GRM4: variants seen among roughly 807,000 people sequenced by gnomAD.
The protein encoded by GRM4 is glutamate metabotropic receptor 4, also known as metabotropic glutamate receptor 4.
In GRM4, 28 loss-of-function variants were observed where a neutral mutation model predicts 81.7. That is an observed-to-expected ratio of 0.34 (90% CI 0.25 to 0.47). GRM4 has a LOEUF of 0.47. Ranked by LOEUF, GRM4 falls within the 20% of genes least tolerant of loss-of-function variation. The pLI, the probability that GRM4 is intolerant of heterozygous loss-of-function variation, is 1.00. For missense variants in GRM4, 948 were observed against 1,290.0 expected, an observed-to-expected ratio of 0.73 and a Z score of 4.06; for synonymous variants, 488 against 528.8, an observed-to-expected ratio of 0.92 and a Z score of 1.06.
rs762364409 is a variant in GRM4 at position 34,132,999 on chromosome 6, G to A, written c.498C>T (p.Ala166=). The A allele has an allele frequency of 1.2e-6, 2 of 1,607,702 alleles. No homozygotes were observed. The highest frequency in any genetic ancestry group is 1.7e-5 in the Admixed American group (1 of 59,618). The stretch of plus-strand genomic sequence containing the variant: ...TGACCTTGAAGAGGCGAAGGATGTT[G>A]GCCACCATGATGGAGACCGAGCTCC... ...ASGSSVSIMV[A]NILRLFKIPQ... The change falls in exon 2 of 11, where the codon GCC becomes GCT. Residue 166 remains alanine, a synonymous_variant. Coordinates refer to ENST00000538487, the MANE Select transcript of GRM4 (RefSeq NM_000841.4).
upstream of GRM4, among the ~76,000 whole-genome samples, chr6:34,148,049 C>A (rs1770975127): frequency 7.4e-6 from 1 of 134,318 alleles, no homozygotes; most frequent in African/African-American, 2.7e-5. Flanking sequence ...ATTATCCCAC[C>A]CCCCGCCCCC....
At chr6:34,127,882 C>T (rs1304023099) in intron 2 of GRM4, among the ~76,000 whole-genome samples, 1 of 152,198 alleles carries the variant, frequency 6.6e-6, no homozygotes, top group Non-Finnish European at 1.5e-5. Context: ...CACAAAGCCA[C>T]GTCCTCGACA....
rs1001932626 is a variant in GRM4, at chr6:34,095,648, A to G, written c.520-3549T>C. On this transcript the variant is annotated intron_variant, in intron 2 of 10. Coordinates refer to ENST00000538487, the MANE Select transcript of GRM4 (RefSeq NM_000841.4). ...TTCCTCCCGCTAAACCTCCTCTGGC[A>G]GCAATCGCCTTCTCTTGCCTCTCTC... Among the ~76,000 whole-genome samples the G allele has an allele frequency of 2.0e-5, 3 of 152,104 alleles. No homozygotes were observed. The Middle Eastern group carries it at 0.01, about 517-fold the overall frequency.
At chr6:34,094,751 C>T (rs1768419260) in intron 2 of GRM4, among the ~76,000 whole-genome samples, 1 of 152,208 alleles carries the variant, frequency 6.6e-6, no homozygotes, top group Non-Finnish European at 1.5e-5. Context: ...AGAAGCTTGT[C>T]CCTACTTCTG....
At chr6:34,150,084 C>G (rs1291261582), upstream of GRM4, among the ~76,000 whole-genome samples, 1 of 152,084 alleles carries the variant, frequency 6.6e-6, no homozygotes. Flanking sequence ...AAGACCTGGC[C>G]CCAAGGGTCT....
chr6:34,044,501 CACAT>C (rs1706640479), intron 6 of GRM4, among the ~76,000 whole-genome samples: 1 of 151,118 alleles, frequency 6.6e-6, no homozygotes. Flanking sequence ...TAGACATACA[CACAT>C]ACACACACAG....
At chr6:34,108,501 A>G (rs1391256431) in intron 2 of GRM4, among the ~76,000 whole-genome samples, 2 of 152,132 alleles carry the variant, frequency 1.3e-5, no homozygotes, top group Non-Finnish European at 2.9e-5. Context: ...GCCTGCCATC[A>G]CACTATGCTG....
intron 2 of GRM4, chr6:34,110,883 T>TC: frequency 7.7e-7 from 1 of 1,296,334 alleles, no homozygotes; most frequent in Non-Finnish European, 9.8e-7. Flanking sequence ...AGCAGGAAGT[T>TC]CCCCCCAGGG....
intron 2 of GRM4, among the ~76,000 whole-genome samples, chr6:34,108,882 C>A (rs576701137): frequency 6.6e-6 from 1 of 152,248 alleles, no homozygotes; most frequent in East Asian, 1.9e-4. Flanking sequence ...TACCGGTGCA[C>A]CTCGAGGTCC....
chr6:34,082,511 G>T (rs1767656994), intron 3 of GRM4, among the ~76,000 whole-genome samples: 2 of 152,180 alleles, frequency 1.3e-5, no homozygotes, highest in South Asian at 4.1e-4. Flanking sequence ...TGTGTTGGCT[G>T]CATGCTGTCG....
intron 8 of GRM4, among the ~76,000 whole-genome samples, chr6:34,039,733 C>A (rs183913363): frequency 6.6e-6 from 1 of 152,276 alleles, no homozygotes; most frequent in Admixed American, 6.5e-5. Flanking sequence ...CAAATCCCAC[C>A]GTTCAACCTG....
At position 34,155,355 on chromosome 6, in the gene GRM4, G is replaced by T. The variant is rs950228730; in HGVS notation, c.36C>A (p.Cys12Ter). 7.3e-6 allele frequency: 11 copies of T among 1,509,572 alleles called. No individual in the cohort carries two copies. In the Admixed American group the frequency reaches 1.6e-4, roughly 22 times the overall value. The allele number at this position is 1,509,572 out of a possible 1,614,324, so 93.5% of individuals were successfully genotyped here. ...GGGAGCAAGGAGGGGCGCGCCAGCC[G>T]CAGGAAGCTGCAACTCCAGGCTCCC... The change falls in exon 1 of 9, where the codon TGC becomes TGA. Residue 12 changes from cysteine (C) to a stop codon, truncating the protein, a stop_gained. Transcript: ENST00000374177. LOFTEE classifies it high-confidence loss of function.
At chr6:34,139,673 GAACACAGGAAAGACTCAGT>G (rs1252861223) in intron 1 of GRM4, among the ~76,000 whole-genome samples, 2 of 152,242 alleles carry the variant, frequency 1.3e-5, no homozygotes, top group African/African-American at 2.4e-5. Flanking sequence ...CCGAGGTTCA[GAACACAGGAAAGACTCAGT>G]AACTGACCAG....
chr6:34,103,465 A>G, intron 2 of GRM4: 1 of 788,596 alleles, frequency 1.3e-6, no homozygotes, highest in South Asian at 1.6e-5. Flanking sequence ...AGGGCCGCAG[A>G]TAAGAGCGCC....
At position 34,069,194 on chromosome 6, in the gene GRM4, ACACACACACACG is replaced by A. The variant is rs1246322809; in HGVS notation, c.737-7178_737-7167del. On this transcript the variant is annotated intron_variant, in intron 3 of 10. Transcript: ENST00000538487. This position sits in a 1 kb window ranked among gnomAD's most constrained non-coding sequence, Gnocchi z 6.4. ...CACACACACACACACACACACACAC[ACACACACACACG>A]CACGCACACACGGCTCCTTCCTTCT... Among the ~76,000 whole-genome samples, 2,106 of 148,156 alleles carry A rather than the reference ACACACACACACG, an allele frequency of 0.014. 42 individuals are homozygous for A. The highest frequency in any genetic ancestry group is 0.049 in the African/African-American group (1,897 of 38,964).
upstream of GRM4, among the ~76,000 whole-genome samples, chr6:34,146,694 G>C (rs1314183383): frequency 1.3e-5 from 2 of 152,198 alleles, no homozygotes; most frequent in Non-Finnish European, 2.9e-5. Flanking sequence ...AGCAGAGCTG[G>C]AGAGGTTGGC....
At chr6:34,142,194 C>T (rs1420233749) in intron 1 of GRM4, among the ~76,000 whole-genome samples, 1 of 152,200 alleles carries the variant, frequency 6.6e-6, no homozygotes. Context: ...GCCAAGACAG[C>T]CAGCAGCTCT....
intron 5 of GRM4, among the ~76,000 whole-genome samples, chr6:34,057,618 G>C (rs1055738096): frequency 1.3e-5 from 2 of 152,356 alleles, no homozygotes; most frequent in South Asian, 4.1e-4. Flanking sequence ...ACCAAAAATG[G>C]CTCCAGAAAT....
intron 9 of GRM4, among the ~76,000 whole-genome samples, chr6:34,029,155 G>A (rs1237974606): frequency 2.0e-5 from 3 of 152,122 alleles, no homozygotes; most frequent in Non-Finnish European, 2.9e-5. Flanking sequence ...GGCCTCAGCC[G>A]CCCCTCTGAA....
Sources: allele counts gnomAD v4.1 joint callset (sites outside exome capture counted in the v4.1 genomes callset), GRCh38; gene constraint gnomAD v4.1.1; non-coding constraint Gnocchi (gnomAD v3.1); transcripts MANE v1.5; gene names NCBI Gene and HGNC (gene_info 2026-07-23, HGNC 2026-07-21).